DCHS2: variants seen among roughly 807,000 people sequenced by gnomAD.
The protein encoded by DCHS2 is dachsous cadherin-related 2.
A neutral mutation model predicts 182.4 loss-of-function variants in DCHS2; 142 were observed. That is an observed-to-expected ratio of 0.78 (90% confidence interval 0.68 to 0.89). DCHS2 has a LOEUF of 0.89. DCHS2 is among the 40% of genes least tolerant of loss of function. DCHS2 has a pLI of 0.00. For synonymous variants in DCHS2, 1,740 were observed against 1,663.3 expected, an observed-to-expected ratio of 1.05 and a Z score of -1.12; for missense variants, 4,319 against 4,198.6, an observed-to-expected ratio of 1.03 and a Z score of -0.79.
At chr4:154,295,967 A>T (rs542763866) in intron 13 of DCHS2, among the ~76,000 whole-genome samples, 1 of 152,330 alleles carries the variant, frequency 6.6e-6, no homozygotes, top group South Asian at 2.1e-4. Context: ...AATACATTTT[A>T]CTAGTGAGAG....
chr4:154,385,719 C>G (rs1211906081), intron 1 of DCHS2, among the ~76,000 whole-genome samples: 1 of 152,036 alleles, frequency 6.6e-6, no homozygotes, highest in Non-Finnish European at 1.5e-5. Context: ...GTCTCGATCT[C>G]TTGACCTCGT....
chr4:154,395,636 T>C (rs183273416), intron 1 of DCHS2, among the ~76,000 whole-genome samples: 1 of 152,308 alleles, frequency 6.6e-6, no homozygotes, highest in Non-Finnish European at 1.5e-5. Flanking sequence ...TTTGTAAAAC[T>C]GAGAATTTAT....
At chr4:154,239,426 C>G in intron 18 of DCHS2, 124 bp from the exon 19 acceptor site, 2 of 1,389,958 alleles carry the variant, frequency 1.4e-6, no homozygotes, top group Non-Finnish European at 1.9e-6. Flanking sequence ...TACAACCTGA[C>G]TTTGTTAGAC....
rs759627763 is a variant in DCHS2, at chr4:154,234,626, C to T, written c.10026G>A (p.Leu3342=). 6.8e-6 allele frequency: 11 copies of T among 1,613,988 alleles called. No homozygotes were observed. The highest frequency in any genetic ancestry group is 1.1e-5 in the South Asian group (1 of 91,074). Residue 3342 remains leucine, a synonymous_variant, in exon 20 of 20, where the codon TTG becomes TTA. Coordinates refer to ENST00000357232, the MANE Select transcript of DCHS2 (RefSeq NM_001358235.2). ...LSLLTMQPPA[L]SPLLREGELL... ...ATTCTCCTTCTCTCAACAGTGGAGA[C>T]AAGGCAGGAGGCTGCATCGTCAATA... is the stretch of plus-strand genomic sequence containing the variant.
At chr4:154,384,365 C>T in intron 1 of DCHS2, 1 of 1,612,444 alleles carries the variant, frequency 6.2e-7, no homozygotes, top group Non-Finnish European at 8.5e-7. Flanking sequence ...TGACTGACCT[C>T]ACCTCAGTTT....
intron 14 of DCHS2, among the ~76,000 whole-genome samples, chr4:154,267,809 A>G (rs963887732): frequency 2.0e-5 from 3 of 152,220 alleles, no homozygotes; most frequent in African/African-American, 7.2e-5. Context: ...TTGTTGGCAG[A>G]TGCAGCCTCT....
Position 154,240,519 on chromosome 4 carries a change from T to A in DCHS2, c.7359+18A>T, listed in dbSNP as rs754695218. The A allele has an allele frequency of 6.2e-7, 1 of 1,603,658 alleles. No homozygotes were observed. Among genetic ancestry groups the A allele is most frequent in the Non-Finnish European group, 8.5e-7 (1 of 1,173,132 alleles). On this transcript the variant is annotated intron_variant, in intron 18 of 19. Transcript: ENST00000357232. ...TCTAGTTTTGGCTTTGGTTTCGGCA[T>A]CTCTTTAAGCCCTTTACCTGATAGA...
intron 10 of DCHS2, among the ~76,000 whole-genome samples, chr4:154,307,744 C>A (rs987719538): frequency 1.3e-5 from 2 of 152,142 alleles, no homozygotes; most frequent in African/African-American, 4.8e-5. Flanking sequence ...TGGATTGAGA[C>A]AACTGCAGTG....
intron 16 of DCHS2, among the ~76,000 whole-genome samples, chr4:154,253,876 A>G (rs946405373): frequency 2.0e-5 from 3 of 152,170 alleles, no homozygotes; most frequent in Non-Finnish European, 4.4e-5. Flanking sequence ...TTCATAAAAC[A>G]TAAAAGTAGT....
At chr4:154,341,570 C>T (rs926715148) in intron 3 of DCHS2, among the ~76,000 whole-genome samples, 19 of 151,310 alleles carry the variant, frequency 1.3e-4, no homozygotes, top group African/African-American at 4.4e-4. Context: ...GTATATGTAT[C>T]GTAATGCATA....
intron 1 of DCHS2, among the ~76,000 whole-genome samples, chr4:154,466,002 C>T (rs1398926566): frequency 6.6e-6 from 1 of 152,068 alleles, no homozygotes; most frequent in African/African-American, 2.4e-5. Context: ...TTTTTTGTTG[C>T]TGTTGATAAG....
In DCHS2 at chr4:154,233,534, G is replaced by T. The variant is rs1379814536; in HGVS notation, c.*1002C>A. On this transcript the variant is annotated 3_prime_UTR_variant, in exon 20 of 20. Transcript: ENST00000357232. ...AATATATTGCTAAATTACTCTATGAGATTTATCATTAGCTAATGACATGAT... is the reference window on the plus strand; with the variant it reads ...AATATATTGCTAAATTACTCTATGATATTTATCATTAGCTAATGACATGAT... 6.6e-6 allele frequency: 1 copy of T among 152,100 alleles called. No individual in the cohort carries two copies. Among genetic ancestry groups the T allele is most frequent in the Admixed American group, 6.6e-5 (1 of 15,260 alleles). The allele number at this position is 152,100 out of a possible 1,614,324, so 9.4% of individuals were successfully genotyped here.
At chr4:154,454,135 GCACA>G (rs35387812) in intron 1 of DCHS2, among the ~76,000 whole-genome samples, 30 of 150,246 alleles carry the variant, frequency 2.0e-4, no homozygotes, top group East Asian at 3.9e-4. Flanking sequence ...ACATGCGCGC[GCACA>G]CACACACACA....
intron 7 of DCHS2, among the ~76,000 whole-genome samples, chr4:154,324,490 T>A (rs1736200276): frequency 1.3e-5 from 2 of 152,190 alleles, no homozygotes; most frequent in Non-Finnish European, 2.9e-5. Context: ...TTCTAGGCCT[T>A]TTCAGTGCAC....
intron 1 of DCHS2, among the ~76,000 whole-genome samples, chr4:154,479,742 T>C (rs980072041): frequency 2.6e-5 from 4 of 152,248 alleles, no homozygotes; most frequent in Middle Eastern, 3.2e-3. Flanking sequence ...AGAAACTATA[T>C]GTTTAATGCC....
chr4:154,459,518 G>T (rs1395757362), intron 1 of DCHS2, among the ~76,000 whole-genome samples: 1 of 152,120 alleles, frequency 6.6e-6, no homozygotes, highest in Non-Finnish European at 1.5e-5. Context: ...TGATGTGCCA[G>T]TCCTCCCTGT....
chr4:154,390,579 G>C (rs1229377442), intron 1 of DCHS2, among the ~76,000 whole-genome samples: 1 of 151,620 alleles, frequency 6.6e-6, no homozygotes, highest in East Asian at 1.9e-4. Flanking sequence ...TTCATTTCCA[G>C]ATACTCCTGA....
chr4:154,438,810 G>T (rs2110950830), intron 1 of DCHS2, among the ~76,000 whole-genome samples: 1 of 152,150 alleles, frequency 6.6e-6, no homozygotes, highest in East Asian at 1.9e-4. Flanking sequence ...AGCAATACAT[G>T]AATACAAAGT....
At chr4:154,488,365 T>G (rs1177214837) in intron 1 of DCHS2, among the ~76,000 whole-genome samples, 1 of 152,072 alleles carries the variant, frequency 6.6e-6, no homozygotes, top group African/African-American at 2.4e-5. Flanking sequence ...CCACTGCCCC[T>G]CAGAGTCCTG....
Sources: allele counts gnomAD v4.1 joint callset (sites outside exome capture counted in the v4.1 genomes callset), GRCh38; gene constraint gnomAD v4.1.1; transcripts MANE v1.5; gene names NCBI Gene and HGNC (gene_info 2026-07-23, HGNC 2026-07-21).